The following FAT1 variants were observed in gnomAD, a reference collection of about 807,000 sequenced individuals.
The protein encoded by FAT1 is protocadherin Fat 1.
FAT1 carries 171 observed loss-of-function variants against 329.8 expected under a neutral mutation model. That is an observed-to-expected ratio of 0.52 (90% CI 0.46 to 0.59). The LOEUF is 0.59. Ranked by LOEUF, FAT1 falls within the 20% of genes least tolerant of loss-of-function variation. FAT1 has a pLI of 0.00. For missense variants in FAT1, 5,672 were observed against 5,774.4 expected, an observed-to-expected ratio of 0.98 and a Z score of 0.57; for synonymous variants, 2,233 against 2,228.6, an observed-to-expected ratio of 1.00 and a Z score of -0.06.
chr4:186,654,807 A>T (rs1455318880), intron 3 of FAT1, among the ~76,000 whole-genome samples: 1 of 152,014 alleles, frequency 6.6e-6, no homozygotes, highest in African/African-American at 2.4e-5. Flanking sequence ...GCTATTCAGG[A>T]GACCGAGGAA....
At chr4:186,673,464 T>C (rs940338806) in intron 2 of FAT1, among the ~76,000 whole-genome samples, 1 of 152,234 alleles carries the variant, frequency 6.6e-6, no homozygotes, top group Non-Finnish European at 1.5e-5. Context: ...GAAGTATTTA[T>C]GTAGGTAACT....
In FAT1 at chr4:186,708,215, A is replaced by G. The variant is rs1232118315; in HGVS notation, c.1613T>C (p.Ile538Thr). 4 of 1,613,984 alleles carry G rather than the reference A, an allele frequency of 2.5e-6. No individual in the cohort carries two copies. The stretch of plus-strand genomic sequence containing the variant: ...CGGCAAGCCCCAGTCTGATGCACGA[A>G]TCCTCAGAGTATAAACCCGAGGCAT... ...ELMPRVYTLR[I>T]RASDWGLPYR... The change falls in exon 2 of 27, where the codon ATT (isoleucine) becomes ACT (threonine). Residue 538 changes from isoleucine (I) to threonine (T), a missense_variant. Ile to Thr is a moderately conservative substitution (Grantham distance 89, BLOSUM62 -1). Coordinates refer to ENST00000441802, the MANE Select transcript of FAT1 (RefSeq NM_005245.4).
At chr4:186,713,438 C>T (rs184779663) in intron 1 of FAT1, among the ~76,000 whole-genome samples, 7 of 151,302 alleles carry the variant, frequency 4.6e-5, no homozygotes, top group African/African-American at 1.5e-4. Flanking sequence ...GTAAAATCAA[C>T]ACGATTTATC....
rs2126563784 is a variant in FAT1 at position 186,636,727 on chromosome 4, G to A, written c.3830C>T (p.Thr1277Ile). 2 of 1,613,726 alleles carry A rather than the reference G, an allele frequency of 1.2e-6. No individual in the cohort carries two copies. Among genetic ancestry groups the A allele is most frequent in the East Asian group, 4.5e-5 (2 of 44,854 alleles). ...RREPLYHVIA[T>I]DKDEGPNAEI... ...TGCATTGGGGCCCTCATCCTTGTCG[G>A]TGGCTATGACGTGATAGAGCGGCTC... Residue 1277 changes from threonine to isoleucine, a missense_variant, in exon 5 of 27, where the codon ACC becomes ATC. Coordinates refer to ENST00000441802, the MANE Select transcript of FAT1 (RefSeq NM_005245.4).
At position 186,636,596 on chromosome 4, in the gene FAT1, C is replaced by T. The variant is rs749093377; in HGVS notation, c.3961G>A (p.Asp1321Asn). Reference sequence around the variant, plus strand: ...CAATCTTAACTCACTGAAAGAATATCATATTCTCCAGCTGCTGAAAACCTC... The same window carrying T: ...CAATCTTAACTCACTGAAAGAATATTATATTCTCCAGCTGCTGAAAACCTC... The part of the protein sequence containing the change: ...SKRFSAAGEY[D>N]ILSIKAVDNG... The change falls in exon 5 of 27, where the codon GAT becomes AAT. Residue 1321 changes from aspartate (D) to asparagine (N), a missense_variant. By Grantham distance (23) the Asp-to-Asn change is conservative. Around this residue, in one of 2 missense-constraint regions of FAT1, gnomAD observed 3,966 missense variants for 3,915.2 expected, o/e 1.01. Coordinates refer to ENST00000441802, the MANE Select transcript of FAT1 (RefSeq NM_005245.4). 14 of 1,608,750 alleles carry T rather than the reference C, an allele frequency of 8.7e-6. No individual in the cohort carries two copies. Among genetic ancestry groups the T allele is most frequent in the African/African-American group, 5.4e-5 (4 of 74,650 alleles).
At chr4:186,628,106 C>T (rs2126541178) in intron 9 of FAT1, 48 bp downstream of exon 9, 1 of 1,575,122 alleles carries the variant, frequency 6.3e-7, no homozygotes, top group Non-Finnish European at 8.6e-7. Flanking sequence ...TAGAAACAGA[C>T]TTTTAACAAC....
At chr4:186,643,371 T>G (rs2126579023) in intron 3 of FAT1, among the ~76,000 whole-genome samples, 1 of 152,176 alleles carries the variant, frequency 6.6e-6, no homozygotes, top group Middle Eastern at 3.4e-3. Context: ...AACAAACAAA[T>G]AACAACAACA....
chr4:186,610,164 C>T (rs1207510592), intron 14 of FAT1, 149 bp from the exon 15 acceptor site: 1 of 589,154 alleles, frequency 1.7e-6, no homozygotes, highest in Non-Finnish European at 3.0e-6. Context: ...TTTCTTAATT[C>T]AACAATTAAA....
rs765115417 is a variant in FAT1, at chr4:186,628,710, T to C, written c.4377A>G (p.Ser1459=). 1.9e-6 allele frequency: 3 copies of C among 1,613,972 alleles called. No homozygotes were observed. The highest frequency in any genetic ancestry group is 2.5e-6 in the Non-Finnish European group (3 of 1,179,888). ...CTTCAGGAATAACAACTTCATACTTTGATGTAGAAAACTGAGGACGATGGT... is the reference window on the plus strand; with the variant it reads ...CTTCAGGAATAACAACTTCATACTTCGATGTAGAAAACTGAGGACGATGGT... ...TNDHRPQFST[S]KYEVVIPEDT... Residue 1459 remains serine, a synonymous_variant, in exon 8 of 27, where the codon TCA becomes TCG. Coordinates refer to ENST00000441802, the MANE Select transcript of FAT1 (RefSeq NM_005245.4).
chr4:186,652,610 T>C (rs990178293), intron 3 of FAT1, among the ~76,000 whole-genome samples: 1 of 152,200 alleles, frequency 6.6e-6, no homozygotes. Context: ...CTGCGTATCT[T>C]GGTAAAAAGA....
chr4:186,667,957 G>T (rs1045487170), intron 2 of FAT1, among the ~76,000 whole-genome samples: 3 of 152,168 alleles, frequency 2.0e-5, no homozygotes, highest in African/African-American at 7.2e-5. Flanking sequence ...GGACACCAAA[G>T]GTGCTGGGGA....
Position 186,618,707 on chromosome 4 carries a change from A to T in FAT1, c.7879T>A (p.Ser2627Thr), listed in dbSNP as rs1185468742. The T allele has an allele frequency of 1.9e-6, 3 of 1,613,978 alleles. No homozygotes were observed. Among genetic ancestry groups the T allele is most frequent in the Non-Finnish European group, 2.5e-6 (3 of 1,179,880 alleles). ...ATGGCATAGGTGATGTCGGCATTGG[A>T]GCCCTCATCGGCATCACTTGCAAGA... is the stretch of plus-strand genomic sequence containing the variant. ...KVLASDADEGSNADITYAIEA... is the reference protein window; with the variant it reads ...KVLASDADEGTNADITYAIEA... Residue 2627 changes from serine to threonine, a missense_variant, in exon 10 of 27, where the codon TCC (serine) becomes ACC (threonine). Coordinates refer to ENST00000441802, the MANE Select transcript of FAT1 (RefSeq NM_005245.4).
chr4:186,634,409 T>A (rs1018449104), intron 6 of FAT1, among the ~76,000 whole-genome samples: 1 of 152,202 alleles, frequency 6.6e-6, no homozygotes, highest in African/African-American at 2.4e-5. Context: ...TAAAACTCTC[T>A]TTTCAAATCC....
chr4:186,698,783 C>CGA (rs1744157965), intron 2 of FAT1, among the ~76,000 whole-genome samples: 1 of 152,190 alleles, frequency 6.6e-6, no homozygotes, highest in Non-Finnish European at 1.5e-5. Flanking sequence ...GGACCCCGTG[C>CGA]GATGGGAGAC....
At chr4:186,655,812 T>A (rs1213726662) in intron 3 of FAT1, among the ~76,000 whole-genome samples, 1 of 152,244 alleles carries the variant, frequency 6.6e-6, no homozygotes, top group Non-Finnish European at 1.5e-5. Flanking sequence ...GTATGCTATC[T>A]GTATAAAAAG....
At chr4:186,710,880 G>A (rs1744917327) in intron 1 of FAT1, among the ~76,000 whole-genome samples, 1 of 152,208 alleles carries the variant, frequency 6.6e-6, no homozygotes, top group Admixed American at 6.5e-5. Context: ...CTGAAGAAAT[G>A]AAGAAAACGT....
At position 186,588,692 on chromosome 4, in the gene FAT1, T is replaced by G. The variant is rs367614609; in HGVS notation, c.13667A>C (p.Glu4556Ala). The G allele has an allele frequency of 6.2e-6, 10 of 1,613,812 alleles. No homozygotes were observed. Among genetic ancestry groups the G allele is most frequent in the Non-Finnish European group, 8.5e-6 (10 of 1,179,888 alleles). The change falls in exon 27 of 27, where the codon GAG (glutamate) becomes GCG (alanine). Residue 4556 changes from glutamate (E) to alanine (A), a missense_variant. Physicochemically the swap from Glu to Ala is moderately radical, Grantham distance 107. This residue lies in a region of FAT1 where 1,706 missense variants were observed against 1,859.1 expected (regional missense o/e 0.92). Coordinates refer to ENST00000441802, the MANE Select transcript of FAT1 (RefSeq NM_005245.4). ...CSDVSACCEV[E>A]SEVMMSDYES... ...ATAGTCACTCATCATGACCTCGGAC[T>G]CCACTTCGCAGCAGGCTGACACGTC...
chr4:186,622,775 C>T (rs565557686), intron 9 of FAT1, among the ~76,000 whole-genome samples: 1 of 152,298 alleles, frequency 6.6e-6, no homozygotes, highest in South Asian at 2.1e-4. Context: ...TCCACGAGCC[C>T]ATCCTTTTTC....
chr4:186,705,213 C>G (rs933500461), intron 2 of FAT1, among the ~76,000 whole-genome samples: 1 of 151,334 alleles, frequency 6.6e-6, no homozygotes, highest in Non-Finnish European at 1.5e-5. Context: ...CAAAGTGCTG[C>G]GATTACAGGC....
Sources: allele counts gnomAD v4.1 joint callset (sites outside exome capture counted in the v4.1 genomes callset), GRCh38; gene constraint gnomAD v4.1.1; regional missense constraint gnomAD v4.1.1; transcripts MANE v1.5; gene names NCBI Gene and HGNC (gene_info 2026-07-23, HGNC 2026-07-21).